PDE1C: variants seen among roughly 807,000 people sequenced by gnomAD.
PDE1C encodes dual specificity calcium/calmodulin-dependent 3',5'-cyclic nucleotide phosphodiesterase 1C.
Under a neutral mutation model 93.1 loss-of-function variants are expected in PDE1C, and 62 were observed. The observed-to-expected ratio is 0.67, with a 90% confidence interval of 0.54 to 0.82. The LOEUF is 0.82. Ranked by LOEUF, PDE1C falls within the 40% of genes least tolerant of loss-of-function variation. PDE1C has a pLI of 0.00. For missense variants in PDE1C, 742 were observed against 884.6 expected (o/e 0.84, Z 2.04); for synonymous variants, 325 against 310.1 (o/e 1.05, Z -0.50).
At chr7:32,027,741 CA>C (rs58171528) in intron 2 of PDE1C, among the ~76,000 whole-genome samples, 17 of 142,898 alleles carry the variant, frequency 1.2e-4, no homozygotes, top group East Asian at 4.2e-4. Flanking sequence ...CAAATGACTG[CA>C]AAAAAAAAAA....
intron 1 of PDE1C, among the ~76,000 whole-genome samples, chr7:32,365,312 C>A (rs747476111): frequency 3.3e-5 from 5 of 152,178 alleles, no homozygotes; most frequent in African/African-American, 4.8e-5. Context: ...TGAGTAGCAG[C>A]CCTGTAGGCC....
At chr7:32,270,188 A>T (rs890072852) in intron 1 of PDE1C, among the ~76,000 whole-genome samples, 16 of 152,144 alleles carry the variant, frequency 1.1e-4, no homozygotes, top group Non-Finnish European at 1.6e-4. Context: ...AAAATCTAAA[A>T]TAATATACTC....
At chr7:31,823,787 G>A (rs1186273915) in intron 13 of PDE1C, among the ~76,000 whole-genome samples, 1 of 152,168 alleles carries the variant, frequency 6.6e-6, no homozygotes, top group East Asian at 1.9e-4. Context: ...TGGAGATTGT[G>A]AGGGACTAGG....
the PDE1C span, among the ~76,000 whole-genome samples, chr7:31,668,447 G>A: frequency 6.6e-6 from 1 of 152,132 alleles, no homozygotes; most frequent in East Asian, 1.9e-4. Context: ...CTGATGAATG[G>A]ATAAACAAGA....
intron 2 of PDE1C, among the ~76,000 whole-genome samples, chr7:32,179,479 T>C (rs1362007424): frequency 6.6e-6 from 1 of 152,078 alleles, no homozygotes; most frequent in East Asian, 1.9e-4. Flanking sequence ...CAGGCTGGTC[T>C]CAAACTCCTG....
chr7:32,265,874 C>A (rs889083028), intron 1 of PDE1C, among the ~76,000 whole-genome samples: 1 of 151,832 alleles, frequency 6.6e-6, no homozygotes, highest in Non-Finnish European at 1.5e-5. Flanking sequence ...GGTATTTGGA[C>A]AAGCTCCTAA....
chr7:31,895,480 T>G (rs998915141), intron 2 of PDE1C, among the ~76,000 whole-genome samples: 4 of 152,112 alleles, frequency 2.6e-5, no homozygotes, highest in Admixed American at 2.0e-4. Context: ...AATCTCAAAG[T>G]CTAAGCATTT....
intron 2 of PDE1C, among the ~76,000 whole-genome samples, chr7:32,034,820 A>G (rs1026800847): frequency 2.0e-5 from 3 of 152,128 alleles, no homozygotes; most frequent in Admixed American, 6.5e-5. Context: ...AAAGTTACTT[A>G]TGATTATCTA....
rs563315202 is a variant in PDE1C at position 31,923,265 on chromosome 7, C to G, written c.129-42405G>C. On this transcript the variant is annotated intron_variant, in intron 2 of 17. Transcript: ENST00000396191. ...GACCACACAACATAACTCAGATGCA[C>G]TGATTTTCAACCCCAGCTGCATGTT... Among the ~76,000 whole-genome samples the G allele has an allele frequency of 1.2e-4, 19 of 152,270 alleles. 1 individual carries two copies. Among genetic ancestry groups the G allele is most frequent in the African/African-American group, 4.6e-4 (19 of 41,560 alleles).
intron 2 of PDE1C, among the ~76,000 whole-genome samples, chr7:31,886,802 T>C (rs79980540): frequency 0.036 from 4,936 of 135,814 alleles, 119 homozygotes; most frequent in East Asian, 0.12. Context: ...TTCGGATCTT[T>C]TCAGAATAGA....
chr7:32,380,584 C>T (rs1002976515), intron 1 of PDE1C, among the ~76,000 whole-genome samples: 7 of 151,910 alleles, frequency 4.6e-5, no homozygotes, highest in Middle Eastern at 3.2e-3. Flanking sequence ...AGCTTCCATC[C>T]TCCCCACTCC....
chr7:32,071,418 C>T (rs1796048512), upstream of PDE1C: 1 of 985,372 alleles, frequency 1.0e-6, no homozygotes, highest in Non-Finnish European at 1.2e-6. Flanking sequence ...CACTCAAAAA[C>T]TCTTGATGTT....
chr7:32,142,882 A>AATAT (rs3078676), intron 3 of PDE1C, among the ~76,000 whole-genome samples: 110 of 151,652 alleles, frequency 7.3e-4, no homozygotes, highest in African/African-American at 2.5e-3. Flanking sequence ...CCCAACACAA[A>AATAT]ATATATATAT....
rs563225812 is a variant in PDE1C, at chr7:32,361,552, T to C, written c.310+66270A>G. On this transcript the variant is annotated intron_variant, in intron 1 of 1. Transcript: ENST00000672256. ...GCACACTGCCCCTGACCCTCGCACA[T>C]GCCACGCATGCCCACCACTGGGCCT... 3.3e-5 allele frequency among the ~76,000 whole-genome samples: 5 copies of C among 152,174 alleles called. 1 individual carries two copies.
intron 1 of PDE1C, among the ~76,000 whole-genome samples, chr7:32,334,931 T>G (rs1783587194): frequency 6.6e-6 from 1 of 152,138 alleles, no homozygotes; most frequent in Admixed American, 6.5e-5. Context: ...ACTTTAATAA[T>G]AAGAAAATAT....
chr7:32,134,637 C>A (rs1800101812), intron 3 of PDE1C, among the ~76,000 whole-genome samples: 1 of 152,120 alleles, frequency 6.6e-6, no homozygotes, highest in African/African-American at 2.4e-5. Flanking sequence ...AAGCCATCAT[C>A]CTCAGCAAAC....
At chr7:31,741,758 T>C in the PDE1C span, among the ~76,000 whole-genome samples, 1 of 152,148 alleles carries the variant, frequency 6.6e-6, no homozygotes, top group African/African-American at 2.4e-5. Flanking sequence ...TGAGCTTACC[T>C]AGGGATGAAG....
At chr7:31,981,413 A>C (rs980733151) in intron 2 of PDE1C, among the ~76,000 whole-genome samples, 1 of 152,196 alleles carries the variant, frequency 6.6e-6, no homozygotes, top group Non-Finnish European at 1.5e-5. Context: ...CACTTAACAT[A>C]TCACTTCATA....
intron 1 of PDE1C, among the ~76,000 whole-genome samples, chr7:32,387,528 A>C (rs1418258097): frequency 2.8e-5 from 4 of 144,428 alleles, no homozygotes; most frequent in African/African-American, 7.8e-5. Flanking sequence ...TCCCTCCCGG[A>C]CGGGGCGGCT....
Sources: gnomAD v4.1 joint callset for allele counts (sites outside exome capture counted in the v4.1 genomes callset) on GRCh38, gnomAD v4.1.1 for gene constraint, MANE v1.5 for transcripts, NCBI Gene and HGNC (gene_info 2026-07-23, HGNC 2026-07-21) for gene names.